The following CIT variants were observed in gnomAD, a reference collection of about 807,000 sequenced individuals.
The protein encoded by CIT is citron rho-interacting serine/threonine kinase, also known as citron Rho-interacting kinase.
In CIT, 79 loss-of-function variants were observed where a neutral mutation model predicts 272.7. That is an observed-to-expected ratio of 0.29 (90% CI 0.24 to 0.35). The LOEUF (loss-of-function observed/expected upper bound fraction) is 0.35, where lower values mean the gene tolerates loss of function less well. Among genes scored for constraint, CIT ranks in the 10% least tolerant of loss-of-function variants. The pLI, the probability that CIT is intolerant of heterozygous loss-of-function variation, is 1.00. For synonymous variants in CIT, 948 were observed against 995.6 expected (o/e 0.95, Z 0.90); for missense variants, 1,909 against 2,618.3 (o/e 0.73, Z 5.91).
intron 23 of CIT, among the ~76,000 whole-genome samples, chr12:119,745,589 A>G (rs1375964855): frequency 6.6e-6 from 1 of 152,136 alleles, no homozygotes; most frequent in East Asian, 1.9e-4. Context: ...ACACAAATGA[A>G]TGAAGAGCCC....
chr12:119,812,484 G>T (rs1046234441), intron 9 of CIT, among the ~76,000 whole-genome samples: 6 of 151,816 alleles, frequency 4.0e-5, no homozygotes, highest in Non-Finnish European at 8.8e-5. Context: ...CTGATGCCCA[G>T]GAGGGAGTGC....
intron 23 of CIT, among the ~76,000 whole-genome samples, chr12:119,746,800 G>A (rs905384424): frequency 7.2e-5 from 11 of 152,250 alleles, no homozygotes; most frequent in Admixed American, 4.6e-4. Context: ...ACAAAATGTA[G>A]AACTGACCCT....
chr12:119,848,331 C>G (rs1017482735), intron 5 of CIT, among the ~76,000 whole-genome samples: 1 of 152,156 alleles, frequency 6.6e-6, no homozygotes, highest in Non-Finnish European at 1.5e-5. Flanking sequence ...TCCCCAAAAA[C>G]GGGCCAGTAG....
At chr12:119,715,580 G>T (rs1957414867) in intron 32 of CIT, among the ~76,000 whole-genome samples, 1 of 151,544 alleles carries the variant, frequency 6.6e-6, no homozygotes, top group Non-Finnish European at 1.5e-5. Flanking sequence ...TTTTTTGGGT[G>T]GGGGGGTGTC....
At position 119,697,960 on chromosome 12, in the gene CIT, G is replaced by T; in HGVS notation, c.5702+16C>A. The stretch of plus-strand genomic sequence containing the variant: ...CAATAGCTGAAGTTTTCCACGCATG[G>T]GAGGACAATGCTTACCCTGCTGAGG... On this transcript the variant is annotated intron_variant, in intron 45 of 47. Transcript: ENST00000392521. This position sits in a 1 kb window ranked among gnomAD's most constrained non-coding sequence, Gnocchi z 4.9. 6.2e-7 allele frequency: 1 copy of T among 1,614,080 alleles called. No homozygotes were observed.
In CIT at chr12:119,784,635, A is replaced by G; in HGVS notation, c.1401+325T>C. 4.9e-6 allele frequency: 6 copies of G among 1,235,206 alleles called. No homozygotes were observed. The highest frequency in any genetic ancestry group is 6.1e-6 in the Non-Finnish European group (6 of 982,354). 76.5% of individuals were successfully genotyped at this position (1,235,206 alleles called of 1,614,324 possible). On this transcript the variant is annotated intron_variant, in intron 11 of 47. Transcript: ENST00000392521. The surrounding 1 kb of genome is among the most constrained non-coding windows in gnomAD (Gnocchi z 4.7). ...AGGAAGAGAGACTTCGCATCACTCAAAGCAGATGGGATGTATCTCAGCCAC... is the reference window on the plus strand; with the variant it reads ...AGGAAGAGAGACTTCGCATCACTCAGAGCAGATGGGATGTATCTCAGCCAC...
rs1348293669 is a variant in CIT, at chr12:119,710,425, G to A, written c.4936-39C>T. ...AGTCCGAAGGCAGAACATAAGCACG[G>A]TCACGTCACCAGAACAATCTCTAGT... is the stretch of plus-strand genomic sequence containing the variant. On this transcript the variant is annotated intron_variant, in intron 38 of 47. Transcript: ENST00000392521. The surrounding 1 kb of genome is among the most constrained non-coding windows in gnomAD (Gnocchi z 5.6). 2 of 1,613,600 alleles carry A rather than the reference G, an allele frequency of 1.2e-6. No individual in the cohort carries two copies. The highest frequency in any genetic ancestry group is 1.1e-5 in the South Asian group (1 of 91,052).
chr12:119,867,581 G>A (rs1354814760), intron 3 of CIT, among the ~76,000 whole-genome samples: 1 of 152,128 alleles, frequency 6.6e-6, no homozygotes, highest in African/African-American at 2.4e-5. Context: ...AGCACTGTTG[G>A]CATTGTGGGC....
At chr12:119,722,998 T>C (rs1957883752) in intron 28 of CIT, among the ~76,000 whole-genome samples, 1 of 151,962 alleles carries the variant, frequency 6.6e-6, no homozygotes, top group African/African-American at 2.4e-5. Context: ...GAAGTGGCAA[T>C]GAGCTATGAT....
At position 119,770,529 on chromosome 12, in the gene CIT, T is replaced by TA. The variant is rs11295550; in HGVS notation, c.2208+255dup. ...TGAAAATGATAGATGCACGTTCCACTAAAAAAAAAAAAAAAGCCAGGCTGT... is the reference window on the plus strand; with the variant it reads ...TGAAAATGATAGATGCACGTTCCACTAAAAAAAAAAAAAAAAGCCAGGCTGT... On this transcript the variant is annotated intron_variant, in intron 18 of 47. Transcript: ENST00000392521. The surrounding 1 kb of genome is among the most constrained non-coding windows in gnomAD (Gnocchi z 4.4). Among the ~76,000 whole-genome samples, 33 of 142,630 alleles carry TA rather than the reference T, an allele frequency of 2.3e-4. No homozygotes were observed. The highest frequency in any genetic ancestry group is 1.9e-3 in the East Asian group (9 of 4,770). The allele number at this position is 142,630 out of a possible 152,430, so 93.6% of individuals were successfully genotyped here. A position where few individuals can be genotyped will look rare whatever the true frequency, so the allele number is the denominator to read the frequency against.
At chr12:119,837,343 A>T (rs1313846269) in intron 5 of CIT, among the ~76,000 whole-genome samples, 2 of 152,224 alleles carry the variant, frequency 1.3e-5, no homozygotes, top group Non-Finnish European at 2.9e-5. Context: ...ACCACAGCTT[A>T]TTCAATCATC....
chr12:119,781,461 G>A (rs551254816), intron 13 of CIT, among the ~76,000 whole-genome samples: 1 of 152,296 alleles, frequency 6.6e-6, no homozygotes, highest in Non-Finnish European at 1.5e-5. Flanking sequence ...AGACAGAAAT[G>A]TTCATTTCTA....
rs79165914 is a variant in CIT, at chr12:119,742,124, G to A, written c.2958+287C>T. On this transcript the variant is annotated intron_variant, in intron 24 of 47. Transcript: ENST00000392521. Reference sequence around the variant, plus strand: ...GGAACTGCCTTGGGATTTTTGTTGCGGCTGCTGAAACCTATTAGTTGTTCC... The same window carrying A: ...GGAACTGCCTTGGGATTTTTGTTGCAGCTGCTGAAACCTATTAGTTGTTCC... 4.5e-3 allele frequency among the ~76,000 whole-genome samples: 688 copies of A among 152,130 alleles called. 2 individuals carry two copies. Among genetic ancestry groups the A allele is most frequent in the Middle Eastern group, 0.017 (5 of 294 alleles).
At chr12:119,840,742 T>C (rs1222855672) in intron 5 of CIT, among the ~76,000 whole-genome samples, 1 of 152,212 alleles carries the variant, frequency 6.6e-6, no homozygotes, top group Admixed American at 6.5e-5. Flanking sequence ...AGCAGCAGCA[T>C]GTGAGCAGGC....
intron 5 of CIT, among the ~76,000 whole-genome samples, chr12:119,845,293 A>G (rs532577053): frequency 6.6e-6 from 1 of 152,020 alleles, no homozygotes; most frequent in African/African-American, 2.4e-5. Context: ...GACAGTCCCA[A>G]TCCAAGAGGT....
chr12:119,759,010 G>A lies in CIT; in HGVS notation c.2422-310C>T, dbSNP rs1051185905. On this transcript the variant is annotated intron_variant, in intron 20 of 47. Transcript: ENST00000392521. Reference sequence around the variant, plus strand: ...GTTAAACCCCATCTCATCTACATGTGACCTGGGCCTGCAAGTCTCTTAACT... The same window carrying A: ...GTTAAACCCCATCTCATCTACATGTAACCTGGGCCTGCAAGTCTCTTAACT... Among the ~76,000 whole-genome samples the A allele has an allele frequency of 4.6e-5, 7 of 152,158 alleles. No individual in the cohort carries two copies. The South Asian group carries it at 6.2e-4, about 13-fold the overall frequency.
At chr12:119,865,853 G>C (rs902846716) in intron 3 of CIT, among the ~76,000 whole-genome samples, 2 of 103,114 alleles carry the variant, frequency 1.9e-5, no homozygotes, top group African/African-American at 4.1e-5. Flanking sequence ...CTGGACAACA[G>C]AGCAAGACTC....
intron 3 of CIT, among the ~76,000 whole-genome samples, chr12:119,865,720 ACTAG>A (rs1224668935): frequency 2.6e-5 from 4 of 152,028 alleles, no homozygotes; most frequent in Non-Finnish European, 5.9e-5. Flanking sequence ...AAATACAAAA[ACTAG>A]CTGAGTGTGG....
At position 119,688,134 on chromosome 12, in the gene CIT, G is replaced by A; in HGVS notation, c.*98C>T. 7.5e-7 allele frequency: 1 copy of A among 1,333,296 alleles called. No homozygotes were observed. Among genetic ancestry groups the A allele is most frequent in the Admixed American group, 1.7e-5 (1 of 59,372 alleles). The allele number at this position is 1,333,296 out of a possible 1,614,324, so 82.6% of individuals were successfully genotyped here. A position where few individuals can be genotyped will look rare whatever the true frequency, so the allele number is the denominator to read the frequency against. ...GGCCCCGCTGAGCCAGAGGGTGGCT[G>A]AGCACGTGGGCGCTTGGGTCCCCAT... is the stretch of plus-strand genomic sequence containing the variant. On this transcript the variant is annotated 3_prime_UTR_variant, in exon 48 of 48. Coordinates refer to ENST00000392521, the MANE Select transcript of CIT (RefSeq NM_001206999.2).
Sources: allele counts gnomAD v4.1 joint callset (sites outside exome capture counted in the v4.1 genomes callset), GRCh38; gene constraint gnomAD v4.1.1; non-coding constraint Gnocchi (gnomAD v3.1); transcripts MANE v1.5; gene names NCBI Gene and HGNC (gene_info 2026-07-23, HGNC 2026-07-21).